Variants in CCDC174 observed in about 807,000 individuals in gnomAD.
The protein encoded by CCDC174 is coiled-coil domain-containing protein 174.
CCDC174 carries 37 observed loss-of-function variants against 57.1 expected under a neutral mutation model. The observed-to-expected ratio is 0.65, with a 90% CI of 0.50 to 0.85. The LOEUF (loss-of-function observed/expected upper bound fraction) is 0.85. CCDC174 is among the 40% of genes least tolerant of loss of function. CCDC174 has a pLI of 0.00. For synonymous variants in CCDC174, 182 were observed against 190.2 expected, an observed-to-expected ratio of 0.96 and a Z score of 0.35; for missense variants, 540 against 574.3, an observed-to-expected ratio of 0.94 and a Z score of 0.61.
intron 7 of CCDC174, 21 bp downstream of exon 7, chr3:14,666,968 C>A (rs371601155): frequency 1.2e-5 from 18 of 1,562,186 alleles, no homozygotes; most frequent in Non-Finnish European, 1.5e-5. Context: ...TTTCTTGCAG[C>A]TTTGCAAATC....
At chr3:14,667,611 A>C (rs2031385208) in intron 8 of CCDC174, 93 bp downstream of exon 8, 1 of 936,548 alleles carries the variant, frequency 1.1e-6, no homozygotes, top group Middle Eastern at 2.2e-4. Flanking sequence ...AATTAGTTAG[A>C]AATTAAAATT....
rs1338910078 is a variant in CCDC174, at chr3:14,669,983, C to G, written c.1002C>G (p.Thr334=). 1.2e-6 allele frequency: 2 copies of G among 1,613,634 alleles called. No individual in the cohort carries two copies. The change falls in exon 10 of 11, where the codon ACC becomes ACG. Residue 334 remains threonine (T), a synonymous_variant. Transcript: ENST00000383794. The stretch of plus-strand genomic sequence containing the variant: ...CACCGGAGCCAGAGGCTGTGCCAAC[C>G]CCACGTCCTGCTGCCCAGAGTAGCA... ...PLPPEPEAVP[T]PRPAAQSSKV... is the part of the protein sequence containing the mutation.
chr3:14,665,360 AG>A (rs1041652266), intron 6 of CCDC174, among the ~76,000 whole-genome samples: 11 of 152,222 alleles, frequency 7.2e-5, no homozygotes, highest in African/African-American at 2.7e-4. Flanking sequence ...TTTACTTGGA[AG>A]GATGTCTGAC....
intron 3 of CCDC174, among the ~76,000 whole-genome samples, chr3:14,656,488 A>G (rs1403124689): frequency 2.0e-5 from 3 of 152,214 alleles, no homozygotes; most frequent in African/African-American, 7.2e-5. Flanking sequence ...CTATGTGGGC[A>G]GTGGTGTGTC....
chr3:14,666,834 T>G lies in CCDC174; in HGVS notation c.611T>G (p.Leu204Arg). The G allele has an allele frequency of 6.3e-7, 1 of 1,589,174 alleles. No homozygotes were observed. The highest frequency in any genetic ancestry group is 1.9e-5 in the Admixed American group (1 of 51,592). ...ATTAGTCCTGCTAATGAAAAAACCC[T>G]ATTATCTGAAGATATGAGAAAAGAA... The part of the protein sequence containing the change: ...LFISPANEKT[L>R]LSEDMRKELQ... Residue 204 changes from leucine (L) to arginine (R), a missense_variant, in exon 7 of 11, where the codon CTA (leucine) becomes CGA (arginine). By Grantham distance (102) the Leu-to-Arg change is moderately radical. Transcript: ENST00000383794.
At chr3:14,667,362 G>A (rs2031375801) in intron 7 of CCDC174, 62 bp from the exon 8 acceptor site, 22 of 1,240,250 alleles carry the variant, frequency 1.8e-5, no homozygotes, top group Non-Finnish European at 2.5e-5. Flanking sequence ...AGGAAATGTG[G>A]CTTGAGTGTA....
chr3:14,655,477 G>C, intron 2 of CCDC174, 52 bp from the exon 3 acceptor site: 1 of 1,148,550 alleles, frequency 8.7e-7, no homozygotes, highest in Non-Finnish European at 1.3e-6. Context: ...CACAAGTAGA[G>C]ATTTTTTGGC....
chr3:14,666,183 A>C lies in CCDC174; in HGVS notation c.582-622A>C, dbSNP rs76177344. On this transcript the variant is annotated intron_variant, in intron 6 of 10. Transcript: ENST00000383794. ...TGTCCCCAGATGAGAGACCATCCACAGGAGGAGACCCAGAGTTCCTCCTCC... is the reference window on the plus strand; with the variant it reads ...TGTCCCCAGATGAGAGACCATCCACCGGAGGAGACCCAGAGTTCCTCCTCC... Among the ~76,000 whole-genome samples the C allele has an allele frequency of 7.8e-3, 1,185 of 152,262 alleles. 11 individuals carry two copies. Among genetic ancestry groups the C allele is most frequent in the African/African-American group, 0.027 (1,114 of 41,558 alleles).
At chr3:14,654,647 CTA>C in intron 2 of CCDC174, 117 bp downstream of exon 2, 1 of 533,932 alleles carries the variant, frequency 1.9e-6, no homozygotes, top group East Asian at 3.3e-5. Flanking sequence ...GGAAAAATCT[CTA>C]TCTTGTATTT....
chr3:14,651,812 TG>T lies in CCDC174; in HGVS notation c.-23del. On this transcript the variant is annotated 5_prime_UTR_variant, in exon 1 of 11. Transcript: ENST00000383794. ...TGTGTCGGGTAGAAAGGGTCCTTCC[TG>T]GACCGGGACCCTCTGCCACGACCAT... The T allele has an allele frequency of 6.2e-7, 1 of 1,613,660 alleles. No homozygotes were observed. The highest frequency in any genetic ancestry group is 8.5e-7 in the Non-Finnish European group (1 of 1,179,528).
rs747150350 is a variant in CCDC174 at position 14,651,817 on chromosome 3, C to T, written c.-20C>T. 2.5e-6 allele frequency: 4 copies of T among 1,613,694 alleles called. No individual in the cohort carries two copies. The highest frequency in any genetic ancestry group is 1.6e-4 in the Middle Eastern group (1 of 6,084). ...CGGGTAGAAAGGGTCCTTCCTGGAC[C>T]GGGACCCTCTGCCACGACCATGGAC... On this transcript the variant is annotated 5_prime_UTR_variant, in exon 1 of 11. Coordinates refer to ENST00000383794, the MANE Select transcript of CCDC174 (RefSeq NM_016474.5).
chr3:14,655,686 A>G, intron 3 of CCDC174, 57 bp downstream of exon 3: 2 of 1,133,594 alleles, frequency 1.8e-6, no homozygotes, highest in Non-Finnish European at 2.6e-6. Flanking sequence ...AGGCAGAGAA[A>G]TGGAAGTTCA....
intron 4 of CCDC174, among the ~76,000 whole-genome samples, chr3:14,660,030 G>C (rs2031078585): frequency 6.6e-6 from 1 of 152,178 alleles, no homozygotes; most frequent in African/African-American, 2.4e-5. Flanking sequence ...CACTTTCCCT[G>C]TATAGCAGGA....
At chr3:14,661,285 T>C (rs1304180645) in intron 4 of CCDC174, among the ~76,000 whole-genome samples, 1 of 152,234 alleles carries the variant, frequency 6.6e-6, no homozygotes, top group Admixed American at 6.5e-5. Flanking sequence ...TAAGATGGTT[T>C]TGCTCACTCA....
rs879055729 is a variant in CCDC174 at position 14,666,697 on chromosome 3, GT to G, written c.582-104del. The G allele has an allele frequency of 1.8e-4, 160 of 893,178 alleles. No homozygotes were observed. The South Asian group carries it at 3.3e-3, about 19-fold the overall frequency. 55.3% of individuals were successfully genotyped at this position (893,178 alleles called of 1,614,324 possible). A position where few individuals can be genotyped will look rare whatever the true frequency, so the allele number is the denominator to read the frequency against. On this transcript the variant is annotated intron_variant, in intron 6 of 10. Transcript: ENST00000383794. Reference sequence around the variant, plus strand: ...GGGTCAGAAGCCTCTGTAGTTCCCTGTTTTCTTTATCAAATAGTGTTACTTA... The same window carrying G: ...GGGTCAGAAGCCTCTGTAGTTCCCTGTTTCTTTATCAAATAGTGTTACTTA...
At chr3:14,669,084 G>A (rs535691948) in intron 9 of CCDC174, among the ~76,000 whole-genome samples, 2 of 152,120 alleles carry the variant, frequency 1.3e-5, no homozygotes, top group African/African-American at 2.4e-5. Context: ...GCTCAGTCCT[G>A]TGGGCCACAC....
At chr3:14,660,076 A>C (rs2031079724) in intron 4 of CCDC174, among the ~76,000 whole-genome samples, 1 of 152,248 alleles carries the variant, frequency 6.6e-6, no homozygotes, top group Admixed American at 6.5e-5. Context: ...CAACAAAGCT[A>C]GGTACTGTGG....
chr3:14,653,296 A>G (rs2030838843), intron 1 of CCDC174, among the ~76,000 whole-genome samples: 1 of 152,240 alleles, frequency 6.6e-6, no homozygotes, highest in Admixed American at 6.5e-5. Flanking sequence ...CTAGGAAGAT[A>G]TGTGGCTGGA....
At chr3:14,667,080 T>C in intron 7 of CCDC174, 133 bp downstream of exon 7, 1 of 760,150 alleles carries the variant, frequency 1.3e-6, no homozygotes. Flanking sequence ...ATAGAAAATA[T>C]CTCCTTTGTT....
Sources: gnomAD v4.1 joint callset for allele counts (sites outside exome capture counted in the v4.1 genomes callset) on GRCh38, gnomAD v4.1.1 for gene constraint, MANE v1.5 for transcripts, NCBI Gene and HGNC (gene_info 2026-07-23, HGNC 2026-07-21) for gene names.